The following ADGRD1 variants were observed in gnomAD, a reference collection of about 807,000 sequenced individuals.
The protein encoded by ADGRD1 is adhesion G protein-coupled receptor D1, also known as G-protein coupled receptor 133.
Under a neutral mutation model 113.4 loss-of-function variants are expected in ADGRD1, and 77 were observed. That is an observed-to-expected ratio of 0.68 (90% CI 0.57 to 0.82). The LOEUF (loss-of-function observed/expected upper bound fraction) is 0.82, where lower values mean the gene tolerates loss of function less well. Ranked by LOEUF, ADGRD1 falls within the 40% of genes least tolerant of loss-of-function variation. The probability of loss-of-function intolerance (pLI) is 0.00; values close to 1 mark genes in which losing one functional copy is unlikely to be tolerated. For missense variants in ADGRD1, 1,036 were observed against 1,139.1 expected, an observed-to-expected ratio of 0.91 and a Z score of 1.30; for synonymous variants, 474 against 475.0, an observed-to-expected ratio of 1.00 and a Z score of 0.03.
In ADGRD1 at chr12:131,139,153, C is replaced by G. The variant is rs765769155; in HGVS notation, c.2530-15C>G. 2.5e-6 allele frequency: 4 copies of G among 1,608,950 alleles called. No homozygotes were observed. Among genetic ancestry groups the G allele is most frequent in the Non-Finnish European group, 3.4e-6 (4 of 1,176,384 alleles). On this transcript the variant is annotated splice_polypyrimidine_tract_variant and intron_variant, in intron 24 of 24. Coordinates refer to ENST00000261654, the MANE Select transcript of ADGRD1 (RefSeq NM_198827.5). ...GGAGCAGGCCCTTCACTGCTCATCCCTTTATGCTTTGCAGATGAATGGGAC... is the reference window on the plus strand; with the variant it reads ...GGAGCAGGCCCTTCACTGCTCATCCGTTTATGCTTTGCAGATGAATGGGAC...
intron 13 of ADGRD1, among the ~76,000 whole-genome samples, chr12:131,036,547 C>G (rs2136955694): frequency 6.8e-6 from 1 of 146,388 alleles, no homozygotes; most frequent in South Asian, 2.3e-4. Context: ...ACTTGCTACA[C>G]TGGGCCTCAC....
At chr12:131,077,547 C>T (rs1885724727) in intron 14 of ADGRD1, among the ~76,000 whole-genome samples, 1 of 152,050 alleles carries the variant, frequency 6.6e-6, no homozygotes, top group African/African-American at 2.4e-5. Context: ...CGTGAGCCCA[C>T]CGTGAATGGC....
chr12:131,126,662 T>G (rs898016444), intron 20 of ADGRD1, among the ~76,000 whole-genome samples: 1 of 152,208 alleles, frequency 6.6e-6, no homozygotes, highest in African/African-American at 2.4e-5. Context: ...CACCGTGATC[T>G]TGGCCTTCAT....
intron 13 of ADGRD1, chr12:131,023,062 T>A (rs1271792173): frequency 6.6e-6 from 1 of 152,160 alleles, no homozygotes; most frequent in Non-Finnish European, 1.5e-5. Context: ...TAATTTTATT[T>A]GTATAAATGT....
intron 13 of ADGRD1, among the ~76,000 whole-genome samples, chr12:131,064,767 A>G (rs1269918215): frequency 6.6e-6 from 1 of 152,232 alleles, no homozygotes; most frequent in African/African-American, 2.4e-5. Context: ...AGAAACCTTA[A>G]TGTTTTCCCC....
At position 131,004,349 on chromosome 12, in the gene ADGRD1, T is replaced by C. The variant is rs1876816473; in HGVS notation, c.1255+53T>C. ...CCGGGGCGGCTCCCTCAAGTCTTTC[T>C]GAAGAGTCCCCAAGCTTTGCTGGGT... is the stretch of plus-strand genomic sequence containing the variant. On this transcript the variant is annotated intron_variant, in intron 11 of 24. Transcript: ENST00000261654. 19 of 1,308,360 alleles carry C rather than the reference T, an allele frequency of 1.5e-5. No homozygotes were observed. In the South Asian group the frequency reaches 2.2e-4, roughly 15 times the overall value. The allele number at this position is 1,308,360 out of a possible 1,614,324, so 81.0% of individuals were successfully genotyped here. A position where few individuals can be genotyped will look rare whatever the true frequency, so the allele number is the denominator to read the frequency against.
Position 131,118,437 on chromosome 12 carries a change from C to G in ADGRD1, c.2094C>G (p.Tyr698Ter). ...CACTGTCATTTGCCATGGACAGTTACGGAACAAGCAACAAGTAAGTGCAGG... is the reference window on the plus strand; with the variant it reads ...CACTGTCATTTGCCATGGACAGTTAGGGAACAAGCAACAAGTAAGTGCAGG... ...IISLSFAMDS[Y>*]GTSNNCWLSL... The change falls in exon 19 of 25, where the codon TAC (tyrosine) becomes TAG (stop). Residue 698 changes from tyrosine to a stop codon, truncating the protein, a stop_gained. Coordinates refer to ENST00000261654, the MANE Select transcript of ADGRD1 (RefSeq NM_198827.5). LOFTEE classifies it high-confidence loss of function. 3 of 1,611,018 alleles carry G rather than the reference C, an allele frequency of 1.9e-6. No homozygotes were observed. The highest frequency in any genetic ancestry group is 1.1e-5 in the South Asian group (1 of 90,522).
intron 2 of ADGRD1, among the ~76,000 whole-genome samples, chr12:130,963,994 T>G (rs776543035): frequency 2.6e-5 from 4 of 152,218 alleles, no homozygotes; most frequent in Non-Finnish European, 4.4e-5. Context: ...CTCATTGTTG[T>G]TTAATATACT....
rs146611221 is a variant in ADGRD1 at position 130,954,517 on chromosome 12, T to C, written c.52T>C (p.Tyr18His). The change falls in exon 1 of 25, where the codon TAT (tyrosine) becomes CAT (histidine). Residue 18 changes from tyrosine to histidine, a missense_variant. Coordinates refer to ENST00000261654, the MANE Select transcript of ADGRD1 (RefSeq NM_198827.5). The surrounding 1 kb of genome is among the most constrained non-coding windows in gnomAD (Gnocchi z 4.7). ...CTGGTACTCCTGGCTGCTGCTATTT[T>C]ATTACAACTTTCAGGTAATGTCCCC... ...CCWYSWLLLF[Y>H]YNFQVRGVYS... The C allele has an allele frequency of 1.2e-6, 2 of 1,605,860 alleles. No individual in the cohort carries two copies. The highest frequency in any genetic ancestry group is 2.7e-5 in the African/African-American group (2 of 74,770).
At chr12:131,028,238 T>G (rs905818649) in intron 13 of ADGRD1, among the ~76,000 whole-genome samples, 1 of 152,238 alleles carries the variant, frequency 6.6e-6, no homozygotes, top group African/African-American at 2.4e-5. Flanking sequence ...TTATTGGATA[T>G]CAATATCCTT....
At chr12:131,048,482 G>C (rs543816910) in intron 13 of ADGRD1, among the ~76,000 whole-genome samples, 9 of 152,298 alleles carry the variant, frequency 5.9e-5, no homozygotes, top group African/African-American at 2.2e-4. Flanking sequence ...TCCCGGGTTT[G>C]AGCCCACAGC....
chr12:130,973,652 C>T (rs2098240394), intron 4 of ADGRD1, among the ~76,000 whole-genome samples: 1 of 152,192 alleles, frequency 6.6e-6, no homozygotes, highest in South Asian at 2.1e-4. Context: ...TTTCATGCCC[C>T]CAACATGAGA....
At chr12:131,043,194 G>T (rs922517992) in intron 13 of ADGRD1, among the ~76,000 whole-genome samples, 1 of 152,204 alleles carries the variant, frequency 6.6e-6, no homozygotes, top group Non-Finnish European at 1.5e-5. Context: ...GGCTGAGCAT[G>T]CCGTGCATTT....
intron 13 of ADGRD1, among the ~76,000 whole-genome samples, chr12:131,034,338 C>T (rs938678010): frequency 4.6e-5 from 7 of 152,218 alleles, no homozygotes; most frequent in Non-Finnish European, 7.3e-5. Flanking sequence ...CCCGGGTCCC[C>T]GCATGGTTGA....
chr12:131,076,565 GGGCCCGGCACCTGCCAGGGCC>G (rs747178750), intron 13 of ADGRD1, among the ~76,000 whole-genome samples: 4 of 152,146 alleles, frequency 2.6e-5, no homozygotes, highest in Non-Finnish European at 5.9e-5. Flanking sequence ...CCTAGAGGGA[GGGCCCGGCACCTGCCAGGGCC>G]CTTGGGTGGG....
At chr12:131,104,086 T>C (rs1950167833) in intron 15 of ADGRD1, among the ~76,000 whole-genome samples, 1 of 152,216 alleles carries the variant, frequency 6.6e-6, no homozygotes, top group Non-Finnish European at 1.5e-5. Flanking sequence ...CCAGGTGTGT[T>C]CTGTTCTGCC....
At chr12:130,983,394 C>T (rs1218029423) in intron 5 of ADGRD1, among the ~76,000 whole-genome samples, 1 of 152,180 alleles carries the variant, frequency 6.6e-6, no homozygotes, top group African/African-American at 2.4e-5. Context: ...CTGCCTCCCT[C>T]CCCTGACACA....
intron 13 of ADGRD1, among the ~76,000 whole-genome samples, chr12:131,068,339 T>G (rs1884889192): frequency 6.6e-6 from 1 of 152,194 alleles, no homozygotes; most frequent in African/African-American, 2.4e-5. Flanking sequence ...TTTCTCTGCC[T>G]CTGGCCCAAC....
intron 5 of ADGRD1, among the ~76,000 whole-genome samples, chr12:130,982,801 A>G (rs1388162842): frequency 6.6e-6 from 1 of 152,094 alleles, no homozygotes; most frequent in Non-Finnish European, 1.5e-5. Context: ...GAGGCTGACG[A>G]AGGTCTGAAG....
Sources: gnomAD v4.1 joint callset for allele counts (sites outside exome capture counted in the v4.1 genomes callset) on GRCh38, gnomAD v4.1.1 for gene constraint, Gnocchi (gnomAD v3.1) non-coding constraint, MANE v1.5 for transcripts, NCBI Gene and HGNC (gene_info 2026-07-23, HGNC 2026-07-21) for gene names.